BTBD3: variants seen among roughly 807,000 people sequenced by gnomAD.
The protein encoded by BTBD3 is BTB domain containing 3, also known as BTB/POZ domain-containing protein 3.
In BTBD3, 14 loss-of-function variants were observed where a neutral mutation model predicts 41.6. The observed-to-expected ratio is 0.34, with a 90% CI of 0.22 to 0.53. The LOEUF is 0.53. Among genes scored for constraint, BTBD3 ranks in the 20% least tolerant of loss-of-function variants. The pLI is 0.95. For synonymous variants in BTBD3, 249 were observed against 233.7 expected (o/e 1.07, Z -0.60); for missense variants, 426 against 654.7 (o/e 0.65, Z 3.81).
At chr20:11,897,360 C>A (rs775377590) in intron 1 of BTBD3, among the ~76,000 whole-genome samples, 1 of 152,038 alleles carries the variant, frequency 6.6e-6, no homozygotes, top group Admixed American at 6.6e-5. Flanking sequence ...AAACCTGCTC[C>A]ATCTGCAGCC....
chr20:11,906,254 CTTTTTTTTTTTTTT>C (rs3071747), intron 1 of BTBD3, among the ~76,000 whole-genome samples: 9 of 36,226 alleles, frequency 2.5e-4, no homozygotes, highest in South Asian at 1.5e-3. Context: ...ATTATTACTC[CTTTTTTTTTTTTTT>C]TTTTTTTTTT....
At chr20:11,917,803 C>G (rs2056927983), upstream of BTBD3, 1 of 444,230 alleles carries the variant, frequency 2.3e-6, no homozygotes, top group Non-Finnish European at 3.0e-6. Context: ...TTGGTCCAAT[C>G]ATGATTGGTG....
At chr20:11,919,896 T>C in intron 3 of BTBD3, 60 bp downstream of exon 3, 1 of 1,413,328 alleles carries the variant, frequency 7.1e-7, no homozygotes, top group East Asian at 2.3e-5. Flanking sequence ...ACCCTGCTGG[T>C]TTCACAGTTA....
intron 1 of BTBD3, among the ~76,000 whole-genome samples, chr20:11,901,171 T>C (rs532040836): frequency 2.6e-5 from 4 of 152,344 alleles, no homozygotes; most frequent in South Asian, 4.1e-4. Context: ...AGTCCCTCCT[T>C]CTGCTCAGGA....
chr20:11,912,307 C>T (rs764497841), intron 1 of BTBD3, among the ~76,000 whole-genome samples: 2 of 152,186 alleles, frequency 1.3e-5, no homozygotes, highest in Non-Finnish European at 2.9e-5. Context: ...GTGAATCAGC[C>T]AACAGGTGGC....
Position 11,922,794 on chromosome 20 carries a change from T to G in BTBD3, c.697T>G (p.Cys233Gly). 6.2e-7 allele frequency: 1 copy of G among 1,614,222 alleles called. No homozygotes were observed. Among genetic ancestry groups the G allele is most frequent in the South Asian group, 1.1e-5 (1 of 91,088 alleles). Residue 233 changes from cysteine (C) to glycine (G), a missense_variant, in exon 4 of 4, where the codon TGC becomes GGC. Cys to Gly is a radical substitution (Grantham distance 159, BLOSUM62 -3). Coordinates refer to ENST00000378226, the MANE Select transcript of BTBD3 (RefSeq NM_014962.4). ...TGCCTGTGTGCTCCTCTCCCAGAGC[T>G]GCCTGTTCGAGGAGCCAGACCTGAC... ...KNACVLLSQSCLFEEPDLTQR... is the reference protein window; with the variant it reads ...KNACVLLSQSGLFEEPDLTQR...
chr20:11,898,572 G>T (rs759658673), intron 1 of BTBD3, among the ~76,000 whole-genome samples: 3 of 152,106 alleles, frequency 2.0e-5, no homozygotes, highest in African/African-American at 4.8e-5. Flanking sequence ...TAAATTCCTT[G>T]AGGTCGAGTA....
intron 1 of BTBD3, among the ~76,000 whole-genome samples, chr20:11,904,600 A>G (rs1008488482): frequency 6.6e-6 from 1 of 152,190 alleles, no homozygotes; most frequent in African/African-American, 2.4e-5. Context: ...ATTATTTTCA[A>G]AAGCCCAGAA....
chr20:11,907,075 C>A (rs1487120989), intron 1 of BTBD3, among the ~76,000 whole-genome samples: 1 of 152,100 alleles, frequency 6.6e-6, no homozygotes, highest in Non-Finnish European at 1.5e-5. Context: ...TGAGTTGAGG[C>A]CGGTTGATAA....
chr20:11,894,008 T>C (rs1419878495), intron 1 of BTBD3, among the ~76,000 whole-genome samples: 1 of 152,276 alleles, frequency 6.6e-6, no homozygotes, highest in Admixed American at 6.5e-5. Flanking sequence ...TTTTACGTAT[T>C]ATTTTTAGTT....
At chr20:11,895,683 T>G (rs1359153980) in intron 1 of BTBD3, among the ~76,000 whole-genome samples, 3 of 152,172 alleles carry the variant, frequency 2.0e-5, no homozygotes, top group Admixed American at 1.3e-4. Flanking sequence ...AAATCTCTAG[T>G]CTTGCTAGGT....
At chr20:11,916,017 C>A (rs896338099), upstream of BTBD3, among the ~76,000 whole-genome samples, 3 of 152,030 alleles carry the variant, frequency 2.0e-5, no homozygotes, top group African/African-American at 7.2e-5. Context: ...CTTCTAAGTT[C>A]TTGTATCTGT....
chr20:11,894,509 GT>G (rs571712640), intron 1 of BTBD3, among the ~76,000 whole-genome samples: 1 of 151,394 alleles, frequency 6.6e-6, no homozygotes, highest in Non-Finnish European at 1.5e-5. Flanking sequence ...TTGATCATCT[GT>G]TTTTTTTCTT....
At chr20:11,890,954 G>C (rs1384081667) in exon 1 of BTBD3, 1 of 983,670 alleles carries the variant, frequency 1.0e-6, no homozygotes, top group Non-Finnish European at 1.2e-6. Flanking sequence ...GAGCGCTGGC[G>C]GTGAGTGAGG....
chr20:11,900,188 C>G lies in BTBD3; in HGVS notation c.-126+9234C>G, dbSNP rs75441467. Among the ~76,000 whole-genome samples the G allele has an allele frequency of 4.1e-3, 624 of 152,316 alleles. 4 individuals are homozygous for G. The highest frequency in any genetic ancestry group is 0.014 in the African/African-American group (578 of 41,580). ...GTTCTACCTGATAAATTTCCCTTGC[C>G]TTTGCAACTCTGATTAGATCTACTT... On this transcript the variant is annotated intron_variant, in intron 1 of 4. Coordinates refer to the BTBD3 transcript ENST00000254977.
chr20:11,891,055 C>A, intron 1 of BTBD3: 2 of 841,796 alleles, frequency 2.4e-6, no homozygotes, highest in Non-Finnish European at 2.9e-6. Flanking sequence ...GCCGGAGGGG[C>A]CGAGCGAAGC....
chr20:11,912,892 T>G (rs1341139921), intron 1 of BTBD3, among the ~76,000 whole-genome samples: 1 of 152,210 alleles, frequency 6.6e-6, no homozygotes, highest in Non-Finnish European at 1.5e-5. Context: ...ATTTCCAAAT[T>G]TAGAAAGCAT....
chr20:11,913,274 G>A (rs892982033), upstream of BTBD3: 1 of 152,106 alleles, frequency 6.6e-6, no homozygotes, highest in African/African-American at 2.4e-5. Context: ...CATAGAAGTT[G>A]GTGTTAACCG....
In BTBD3 at chr20:11,919,753, G is replaced by T; in HGVS notation, c.453G>T (p.Ala151=). The stretch of plus-strand genomic sequence containing the variant: ...CTGTTGGGAGCTCTGTGTTCCATGC[G>T]ATGTTTTACGGAGAACTTGCAGAGG... The part of the protein sequence containing the change: ...VLAVGSSVFH[A]MFYGELAEDK... Residue 151 remains alanine (A), a synonymous_variant, in exon 3 of 4, where the codon GCG becomes GCT. Coordinates refer to ENST00000378226, the MANE Select transcript of BTBD3 (RefSeq NM_014962.4). 1 of 1,614,148 alleles carries T rather than the reference G, an allele frequency of 6.2e-7. No individual in the cohort carries two copies. Among genetic ancestry groups the T allele is most frequent in the Non-Finnish European group, 8.5e-7 (1 of 1,180,020 alleles).
Sources: allele counts gnomAD v4.1 joint callset (sites outside exome capture counted in the v4.1 genomes callset), GRCh38; gene constraint gnomAD v4.1.1; transcripts MANE v1.5; gene names NCBI Gene and HGNC (gene_info 2026-07-23, HGNC 2026-07-21).